Variants in RERG observed in about 807,000 individuals in gnomAD.
RERG encodes the protein RAS like estrogen regulated growth inhibitor, also known as ras-related and estrogen-regulated growth inhibitor.
Under a neutral mutation model 23.2 loss-of-function variants are expected in RERG, and 25 were observed. The observed-to-expected ratio is 1.08, with a 90% CI of 0.79 to 1.50. The LOEUF (loss-of-function observed/expected upper bound fraction) is 1.50. RERG is among the 40% of genes most tolerant of loss of function. RERG has a pLI of 0.00. For synonymous variants in RERG, 81 were observed against 89.1 expected (o/e 0.91, Z 0.51); for missense variants, 253 against 250.1 (o/e 1.01, Z -0.08).
At chr12:15,190,035 A>G (rs1166915766) in intron 2 of RERG, among the ~76,000 whole-genome samples, 1 of 152,214 alleles carries the variant, frequency 6.6e-6, no homozygotes, top group Non-Finnish European at 1.5e-5. Flanking sequence ...AGAAGGGTAC[A>G]GTATATGAAG....
At chr12:15,133,272 C>A (rs1315374960) in intron 2 of RERG, among the ~76,000 whole-genome samples, 1 of 151,268 alleles carries the variant, frequency 6.6e-6, no homozygotes, top group East Asian at 1.9e-4. Flanking sequence ...TAAATCTTAA[C>A]AATCTCTGAT....
intron 2 of RERG, among the ~76,000 whole-genome samples, chr12:15,167,336 C>T (rs76085126): frequency 6.6e-6 from 1 of 152,152 alleles, no homozygotes; most frequent in Non-Finnish European, 1.5e-5. Context: ...AAAGACTCCA[C>T]CCCAGCTCTA....
chr12:15,151,738 C>T (rs1349828907), intron 2 of RERG, among the ~76,000 whole-genome samples: 2 of 152,170 alleles, frequency 1.3e-5, no homozygotes, highest in African/African-American at 4.8e-5. Flanking sequence ...TGGACACCCC[C>T]TAACTCTAAG....
At chr12:15,123,937 C>A (rs1224556858) in intron 2 of RERG, among the ~76,000 whole-genome samples, 2 of 152,084 alleles carry the variant, frequency 1.3e-5, no homozygotes, top group African/African-American at 4.8e-5. Flanking sequence ...ATTAAACAAG[C>A]CAAACATGTC....
chr12:15,180,411 C>T (rs116804726), intron 2 of RERG, among the ~76,000 whole-genome samples: 6,843 of 152,090 alleles, frequency 0.045, 519 homozygotes, highest in African/African-American at 0.16. Flanking sequence ...GTGGGGAGAG[C>T]TGGGGTCCTG....
Position 15,148,887 on chromosome 12 carries a change from T to A in RERG, c.62-27768A>T, listed in dbSNP as rs12827324. On this transcript the variant is annotated intron_variant, in intron 2 of 4. Coordinates refer to ENST00000256953, the MANE Select transcript of RERG (RefSeq NM_032918.3). ...TTTTTTTTTTTTTTTTTTTTTTTTT[T>A]AGACAGAGTCTAGCTCTGTCACCCA... Among the ~76,000 whole-genome samples the A allele has an allele frequency of 4.7e-4, 33 of 69,498 alleles. 1 individual carries two copies. Among genetic ancestry groups the A allele is most frequent in the African/African-American group, 1.4e-3 (31 of 21,582 alleles). 45.6% of individuals were successfully genotyped at this position (69,498 alleles called of 152,430 possible).
At chr12:15,120,862 A>G (rs911648282) in intron 3 of RERG, among the ~76,000 whole-genome samples, 1 of 152,106 alleles carries the variant, frequency 6.6e-6, no homozygotes, top group African/African-American at 2.4e-5. Context: ...TTCTTCATCT[A>G]TGCATTAAAA....
At chr12:15,184,140 C>T (rs1864960149) in intron 2 of RERG, among the ~76,000 whole-genome samples, 1 of 148,164 alleles carries the variant, frequency 6.7e-6, no homozygotes, top group African/African-American at 2.5e-5. Flanking sequence ...GTCTTTATGT[C>T]CATATCCTCG....
At chr12:15,205,530 C>T (rs1865271713) in intron 2 of RERG, among the ~76,000 whole-genome samples, 2 of 152,026 alleles carry the variant, frequency 1.3e-5, no homozygotes, top group Non-Finnish European at 2.9e-5. Flanking sequence ...CCATGTATGG[C>T]TGAGTCTTCC....
rs532399275 is a variant in RERG at position 15,175,333 on chromosome 12, C to CTGTGTGTGTGTGTGTG, written c.61+42080_61+42095dup. Reference sequence around the variant, plus strand: ...ATCTTTCAACCTTTACTCTCAGGCTCTGTGTGTGTGTGTGTGTGTGTGTGT... The same window carrying CTGTGTGTGTGTGTGTG: ...ATCTTTCAACCTTTACTCTCAGGCTCTGTGTGTGTGTGTGTGTGTGTGTGTGTGTGTGTGTGTGTGT... On this transcript the variant is annotated intron_variant, in intron 2 of 4. Transcript: ENST00000256953. 3.9e-4 allele frequency among the ~76,000 whole-genome samples: 44 copies of CTGTGTGTGTGTGTGTG among 112,250 alleles called. 1 individual carries two copies. The highest frequency in any genetic ancestry group is 1.4e-3 in the Admixed American group (15 of 10,600). 73.6% of individuals were successfully genotyped at this position (112,250 alleles called of 152,430 possible). A position where few individuals can be genotyped will look rare whatever the true frequency, so the allele number is the denominator to read the frequency against.
chr12:15,163,087 T>C (rs1864637090), intron 2 of RERG, among the ~76,000 whole-genome samples: 1 of 152,204 alleles, frequency 6.6e-6, no homozygotes, highest in African/African-American at 2.4e-5. Flanking sequence ...CAACCTTTTG[T>C]TGAAACATCA....
chr12:15,169,920 A>ATATGTG (rs71438344), intron 2 of RERG, among the ~76,000 whole-genome samples: 5 of 137,698 alleles, frequency 3.6e-5, no homozygotes, highest in African/African-American at 1.3e-4. Flanking sequence ...TCTGCTAAAA[A>ATATGTG]TGTGTGTGTG....
At chr12:15,207,080 T>C (rs546215642) in intron 2 of RERG, among the ~76,000 whole-genome samples, 11 of 152,290 alleles carry the variant, frequency 7.2e-5, no homozygotes, top group Admixed American at 2.0e-4. Context: ...CAAAGACCTA[T>C]GCTTTTGTTA....
rs1289690179 is a variant in RERG, at chr12:15,109,482, C to A, written c.228G>T (p.Trp76Cys). 6.2e-6 allele frequency: 10 copies of A among 1,611,506 alleles called. No homozygotes were observed. In the South Asian group the frequency reaches 1.1e-4, roughly 18 times the overall value. Residue 76 changes from tryptophan (W) to cysteine (C), a missense_variant, in exon 5 of 5, where the codon TGG becomes TGT. Transcript: ENST00000256953. ...DTIQREGHMRWGEGFVLVYDI... is the reference protein window; with the variant it reads ...DTIQREGHMRCGEGFVLVYDI... ...CGTAGACCAGCACAAAGCCTTCCCC[C>A]CATCGCATGTGCCCCTCCCTCTGAA...
In RERG at chr12:15,146,784, C is replaced by G. The variant is rs11056371; in HGVS notation, c.62-25665G>C. Among the ~76,000 whole-genome samples, 53 of 152,304 alleles carry G rather than the reference C, an allele frequency of 3.5e-4. No individual in the cohort carries two copies. The East Asian group carries it at 9.6e-3, about 28-fold the overall frequency. On this transcript the variant is annotated intron_variant, in intron 2 of 4. Coordinates refer to ENST00000256953, the MANE Select transcript of RERG (RefSeq NM_032918.3). Reference sequence around the variant, plus strand: ...CTGTGAGTTAAGCGCAGAATGAAAGCTAGTCTTTGAATTCCTGAGCAGGCA... The same window carrying G: ...CTGTGAGTTAAGCGCAGAATGAAAGGTAGTCTTTGAATTCCTGAGCAGGCA...
intron 2 of RERG, among the ~76,000 whole-genome samples, chr12:15,188,843 T>C (rs924828636): frequency 6.6e-6 from 1 of 152,160 alleles, no homozygotes; most frequent in African/African-American, 2.4e-5. Context: ...TTCCATGGCT[T>C]TCTGTTCTCT....
chr12:15,154,054 C>T (rs576376159), intron 2 of RERG, among the ~76,000 whole-genome samples: 1 of 152,254 alleles, frequency 6.6e-6, no homozygotes, highest in South Asian at 2.1e-4. Context: ...AACAGATCCT[C>T]CCTTACAGAC....
At chr12:15,162,668 G>A (rs1277623833) in intron 2 of RERG, among the ~76,000 whole-genome samples, 1 of 152,160 alleles carries the variant, frequency 6.6e-6, no homozygotes, top group Non-Finnish European at 1.5e-5. Flanking sequence ...TGTTCTCAAG[G>A]AAGGAAAATA....
chr12:15,153,175 G>C (rs1043045072), intron 2 of RERG, among the ~76,000 whole-genome samples: 1 of 152,144 alleles, frequency 6.6e-6, no homozygotes, highest in Non-Finnish European at 1.5e-5. Flanking sequence ...TGTTTTTCCA[G>C]CTTTTCCATA....
Sources: allele counts gnomAD v4.1 joint callset (sites outside exome capture counted in the v4.1 genomes callset), GRCh38; gene constraint gnomAD v4.1.1; transcripts MANE v1.5; gene names NCBI Gene and HGNC (gene_info 2026-07-23, HGNC 2026-07-21).